SMYD3: variants seen among roughly 807,000 people sequenced by gnomAD.
SMYD3 encodes the protein SET and MYND domain containing 3.
In SMYD3, 36 loss-of-function variants were observed where a neutral mutation model predicts 57.7. The observed-to-expected ratio is 0.62, with a 90% CI of 0.48 to 0.82. SMYD3 has a LOEUF of 0.82. Among genes scored for constraint, SMYD3 ranks in the 40% least tolerant of loss-of-function variants. SMYD3 has a pLI of 0.00. For synonymous variants in SMYD3, 211 were observed against 195.0 expected (o/e 1.08, Z -0.68); for missense variants, 515 against 538.8 (o/e 0.96, Z 0.44).
chr1:246,094,936 G>C (rs1171428967), intron 5 of SMYD3, among the ~76,000 whole-genome samples: 1 of 151,950 alleles, frequency 6.6e-6, no homozygotes, highest in Non-Finnish European at 1.5e-5. Context: ...CTCTTCTGTG[G>C]CCCTGAGTGT....
Position 245,830,325 on chromosome 1 carries a change from C to T in SMYD3, c.1076+28171G>A, listed in dbSNP as rs146289372. 1.8e-3 allele frequency among the ~76,000 whole-genome samples: 280 copies of T among 152,264 alleles called. 3 individuals are homozygous for T. The East Asian group carries it at 0.035, about 19-fold the overall frequency. On this transcript the variant is annotated intron_variant, in intron 10 of 11. Coordinates refer to ENST00000490107, the MANE Select transcript of SMYD3 (RefSeq NM_001167740.2). ...GGAAGGCAAAGGAGAAGCAAAGGCACGTCCTACATGGCGGCAGGCAAGGGA... is the reference window on the plus strand; with the variant it reads ...GGAAGGCAAAGGAGAAGCAAAGGCATGTCCTACATGGCGGCAGGCAAGGGA...
At chr1:246,400,868 G>A (rs1030331773) in intron 1 of SMYD3, among the ~76,000 whole-genome samples, 1 of 151,880 alleles carries the variant, frequency 6.6e-6, no homozygotes, top group Non-Finnish European at 1.5e-5. Flanking sequence ...ATACAAATAT[G>A]TTTTCTTCGG....
intron 5 of SMYD3, among the ~76,000 whole-genome samples, chr1:246,082,010 A>T (rs1446908978): frequency 2.0e-5 from 3 of 152,200 alleles, no homozygotes; most frequent in African/African-American, 4.8e-5. Context: ...TGACGGTGAG[A>T]GGAATCTGGC....
At chr1:246,191,810 C>T (rs918271676) in intron 5 of SMYD3, among the ~76,000 whole-genome samples, 11 of 152,308 alleles carry the variant, frequency 7.2e-5, no homozygotes, top group African/African-American at 2.6e-4. Flanking sequence ...TATGATAACA[C>T]AGTCATTCCT....
chr1:245,970,250 C>T (rs933766505), intron 5 of SMYD3, among the ~76,000 whole-genome samples: 1 of 152,198 alleles, frequency 6.6e-6, no homozygotes, highest in Non-Finnish European at 1.5e-5. Flanking sequence ...GGAAAACTGG[C>T]TAGCCACATG....
intron 5 of SMYD3, among the ~76,000 whole-genome samples, chr1:246,135,219 C>T (rs2061649331): frequency 6.6e-6 from 1 of 152,142 alleles, no homozygotes; most frequent in Non-Finnish European, 1.5e-5. Flanking sequence ...TCTCACTACT[C>T]CTCTGTGAAT....
At chr1:245,771,682 C>T (rs7521013) in intron 10 of SMYD3, among the ~76,000 whole-genome samples, 15,324 of 152,080 alleles carry the variant, frequency 0.1, 881 homozygotes, top group Admixed American at 0.16. Context: ...CAGGAGTAAA[C>T]GGGACAAAGA....
At chr1:246,458,613 A>AT (rs74163446) in intron 1 of SMYD3, among the ~76,000 whole-genome samples, 10,302 of 46,854 alleles carry the variant, frequency 0.22, 1,941 homozygotes, top group East Asian at 0.32. Flanking sequence ...CGCCTGGCTG[A>AT]TTTTTTTTTT....
At chr1:246,393,610 AG>A (rs2066606102) in intron 1 of SMYD3, among the ~76,000 whole-genome samples, 1 of 146,998 alleles carries the variant, frequency 6.8e-6, no homozygotes, top group African/African-American at 2.5e-5. Flanking sequence ...AGGCCAAAGT[AG>A]GAGGACTGTT....
chr1:246,140,025 G>A lies in SMYD3; in HGVS notation c.531+187176C>T, dbSNP rs376352824. On this transcript the variant is annotated intron_variant, in intron 5 of 11. Coordinates refer to ENST00000490107, the MANE Select transcript of SMYD3 (RefSeq NM_001167740.2). ...TCTTTTCATCATGTATTGGTTGATCGAAGACAAAACATAAGAATGGACAAA... is the reference window on the plus strand; with the variant it reads ...TCTTTTCATCATGTATTGGTTGATCAAAGACAAAACATAAGAATGGACAAA... Among the ~76,000 whole-genome samples the A allele has an allele frequency of 4.9e-4, 75 of 152,232 alleles. No individual in the cohort carries two copies. The South Asian group carries it at 0.015, about 30-fold the overall frequency.
chr1:246,269,872 G>A (rs1029747593), intron 5 of SMYD3, among the ~76,000 whole-genome samples: 8 of 152,018 alleles, frequency 5.3e-5, no homozygotes, highest in Non-Finnish European at 1.0e-4. Flanking sequence ...CACACCCAGC[G>A]GTCAAGTATT....
At chr1:245,806,692 T>C (rs376807932) in intron 10 of SMYD3, among the ~76,000 whole-genome samples, 310 of 150,910 alleles carry the variant, frequency 2.1e-3, no homozygotes, top group Middle Eastern at 0.01. Context: ...GGGTGGATCA[T>C]GAGGTCAGGA....
chr1:246,297,214 C>T (rs906365450), intron 5 of SMYD3, among the ~76,000 whole-genome samples: 1 of 152,018 alleles, frequency 6.6e-6, no homozygotes, highest in Admixed American at 6.6e-5. Flanking sequence ...TTGAGAGATG[C>T]CAACATTTAA....
In SMYD3 at chr1:245,827,615, A is replaced by G. The variant is rs138759552; in HGVS notation, c.1076+30881T>C. Among the ~76,000 whole-genome samples the G allele has an allele frequency of 6.4e-4, 34 of 53,068 alleles. 2 individuals are homozygous for G. The highest frequency in any genetic ancestry group is 5.6e-3 in the East Asian group (11 of 1,964). 34.8% of individuals were successfully genotyped at this position (53,068 alleles called of 152,430 possible). A position where few individuals can be genotyped will look rare whatever the true frequency, so the allele number is the denominator to read the frequency against. ...GGACACACACTCTCATAGCAGCATC[A>G]TGTCCTACTCTATGATCTTCCAAGG... On this transcript the variant is annotated intron_variant, in intron 10 of 11. Coordinates refer to ENST00000490107, the MANE Select transcript of SMYD3 (RefSeq NM_001167740.2).
intron 1 of SMYD3, among the ~76,000 whole-genome samples, chr1:246,465,458 C>T (rs1381963339): frequency 6.6e-6 from 1 of 152,184 alleles, no homozygotes; most frequent in Non-Finnish European, 1.5e-5. Flanking sequence ...ACTAATAACT[C>T]CTCGATGATG....
chr1:245,960,911 G>A lies in SMYD3; in HGVS notation c.532-30974C>T, dbSNP rs557114245. The stretch of plus-strand genomic sequence containing the variant: ...ACATTTGGAAGTTCATAACTCCCTC[G>A]GGACCTATTCCACAGGAAGGCCGAA... On this transcript the variant is annotated intron_variant, in intron 5 of 11. Coordinates refer to ENST00000490107, the MANE Select transcript of SMYD3 (RefSeq NM_001167740.2). Among the ~76,000 whole-genome samples the A allele has an allele frequency of 3.0e-4, 45 of 152,110 alleles. 1 individual carries two copies. The highest frequency in any genetic ancestry group is 1.9e-3 in the South Asian group (9 of 4,816).
At chr1:245,789,823 T>C (rs1043862506) in intron 10 of SMYD3, among the ~76,000 whole-genome samples, 1 of 152,244 alleles carries the variant, frequency 6.6e-6, no homozygotes, top group African/African-American at 2.4e-5. Flanking sequence ...TTATAGCTCC[T>C]TACATACTAT....
At chr1:245,883,527 C>T (rs1252716737) in intron 8 of SMYD3, among the ~76,000 whole-genome samples, 1 of 152,180 alleles carries the variant, frequency 6.6e-6, no homozygotes, top group African/African-American at 2.4e-5. Flanking sequence ...AACCCCAAAA[C>T]ATCAGGACTG....
In SMYD3 at chr1:245,858,575, A is replaced by AGCTG. The variant is rs1401082443; in HGVS notation, c.996_997insCAGC (p.Cys333GlnfsTer67). ...AGGTTGATGCAGGCATCCATGGCGC[A>AGCTG]GTCGAGCACCTTCAGCTGGTAGATG... On this transcript the variant is annotated frameshift_variant, in exon 10 of 12. Coordinates refer to ENST00000490107, the MANE Select transcript of SMYD3 (RefSeq NM_001167740.2). LOFTEE classifies it high-confidence loss of function. 3 of 1,614,134 alleles carry AGCTG rather than the reference A, an allele frequency of 1.9e-6. No individual in the cohort carries two copies. The highest frequency in any genetic ancestry group is 2.5e-6 in the Non-Finnish European group (3 of 1,180,052).
Sources: allele counts gnomAD v4.1 joint callset (sites outside exome capture counted in the v4.1 genomes callset), GRCh38; gene constraint gnomAD v4.1.1; transcripts MANE v1.5; gene names NCBI Gene and HGNC (gene_info 2026-07-23, HGNC 2026-07-21).